The following SLC8A1 variants were observed in gnomAD, a reference collection of about 807,000 sequenced individuals.
SLC8A1 encodes sodium/calcium exchanger 1.
SLC8A1 carries 18 observed loss-of-function variants against 68.3 expected under a neutral mutation model. The ratio of observed to expected loss-of-function variants is 0.26; its 90% CI spans 0.18 to 0.39. SLC8A1 has a LOEUF of 0.39. SLC8A1 is among the 10% of genes least tolerant of loss of function. SLC8A1 has a pLI of 1.00. For synonymous variants in SLC8A1, 475 were observed against 415.5 expected, an observed-to-expected ratio of 1.14 and a Z score of -1.74; for missense variants, 985 against 1,156.7, an observed-to-expected ratio of 0.85 and a Z score of 2.15.
intron 2 of SLC8A1, among the ~76,000 whole-genome samples, chr2:40,419,973 A>G (rs2149739721): frequency 6.6e-6 from 1 of 152,312 alleles, no homozygotes; most frequent in South Asian, 2.1e-4. Flanking sequence ...TCGAAAACAA[A>G]TTTGTTATAG....
intron 1 of SLC8A1, among the ~76,000 whole-genome samples, chr2:40,457,830 A>G (rs1327611889): frequency 6.6e-6 from 1 of 152,194 alleles, no homozygotes; most frequent in African/African-American, 2.4e-5. Flanking sequence ...GCCACCTCCA[A>G]TTTAATTTTT....
chr2:40,475,097 T>C (rs1351947923), intron 1 of SLC8A1, among the ~76,000 whole-genome samples: 3 of 152,170 alleles, frequency 2.0e-5, no homozygotes, highest in Non-Finnish European at 2.9e-5. Context: ...TTCTCAAAAC[T>C]TGTGAACTTC....
intron 2 of SLC8A1, among the ~76,000 whole-genome samples, chr2:40,280,097 C>G (rs1394167390): frequency 6.6e-6 from 1 of 151,906 alleles, no homozygotes; most frequent in Non-Finnish European, 1.5e-5. Context: ...TAAACCCTAG[C>G]CTTTTAGATA....
chr2:40,208,234 C>T (rs2055870046), intron 2 of SLC8A1: 1 of 152,128 alleles, frequency 6.6e-6, no homozygotes, highest in African/African-American at 2.4e-5. Flanking sequence ...CTCTCTGGGC[C>T]TCTTGCTTTC....
At chr2:40,166,021 C>T (rs899033004) in intron 4 of SLC8A1, among the ~76,000 whole-genome samples, 4 of 152,192 alleles carry the variant, frequency 2.6e-5, no homozygotes, top group African/African-American at 9.7e-5. Context: ...GCCCTGATGG[C>T]CTCATTTCTA....
intron 1 of SLC8A1, among the ~76,000 whole-genome samples, chr2:40,450,550 C>T (rs1266152253): frequency 1.3e-5 from 2 of 152,170 alleles, no homozygotes; most frequent in Non-Finnish European, 2.9e-5. Context: ...AAATCTCCAC[C>T]TACTCAGCTA....
chr2:40,358,077 C>G (rs6544329), intron 2 of SLC8A1, among the ~76,000 whole-genome samples: 9 of 142,134 alleles, frequency 6.3e-5, no homozygotes, highest in Non-Finnish European at 9.0e-5. Flanking sequence ...AAAAAGGTGG[C>G]GGTGCTGGTG....
intron 6 of SLC8A1, among the ~76,000 whole-genome samples, chr2:40,150,950 G>C (rs1454542867): frequency 6.6e-6 from 1 of 152,052 alleles, no homozygotes; most frequent in African/African-American, 2.4e-5. Context: ...TCACCTACTA[G>C]TATGTCCCTA....
chr2:40,410,118 AT>A (rs1488497505), intron 2 of SLC8A1, among the ~76,000 whole-genome samples: 1 of 152,146 alleles, frequency 6.6e-6, no homozygotes, highest in African/African-American at 2.4e-5. Context: ...TTAATAAATC[AT>A]GGGGCAAGGG....
intron 2 of SLC8A1, among the ~76,000 whole-genome samples, chr2:40,317,638 GCTTTT>G (rs1206644836): frequency 3.3e-5 from 5 of 151,884 alleles, no homozygotes; most frequent in Non-Finnish European, 5.9e-5. Context: ...ACTGCATTGT[GCTTTT>G]TTTTAAAGAT....
chr2:40,314,742 T>A (rs2074214048), intron 2 of SLC8A1, among the ~76,000 whole-genome samples: 1 of 152,022 alleles, frequency 6.6e-6, no homozygotes, highest in Admixed American at 6.6e-5. Context: ...TATCCCCAAG[T>A]ATTTTATATT....
intron 2 of SLC8A1, among the ~76,000 whole-genome samples, chr2:40,363,070 A>G (rs1001300562): frequency 2.6e-5 from 4 of 152,124 alleles, no homozygotes; most frequent in Admixed American, 2.0e-4. Context: ...GCTTTCATTC[A>G]GGACTACAGC....
At chr2:40,490,644 TAGG>T (rs1278011709) in intron 1 of SLC8A1, among the ~76,000 whole-genome samples, 2 of 152,040 alleles carry the variant, frequency 1.3e-5, no homozygotes, top group Non-Finnish European at 2.9e-5. Flanking sequence ...TGGGGATGGG[TAGG>T]AGTAGTGGAT....
At chr2:40,499,337 T>A (rs758856583) in intron 1 of SLC8A1, among the ~76,000 whole-genome samples, 4 of 152,010 alleles carry the variant, frequency 2.6e-5, no homozygotes, top group Non-Finnish European at 5.9e-5. Flanking sequence ...ATTTTCCTCA[T>A]CTAAAAATGA....
At chr2:40,342,240 C>A (rs2149411902) in intron 2 of SLC8A1, among the ~76,000 whole-genome samples, 1 of 152,248 alleles carries the variant, frequency 6.6e-6, no homozygotes, top group Middle Eastern at 3.4e-3. Flanking sequence ...CAATCTTATT[C>A]TAAGATTTAT....
At chr2:40,274,860 G>A (rs2066500041) in intron 2 of SLC8A1, among the ~76,000 whole-genome samples, 1 of 152,126 alleles carries the variant, frequency 6.6e-6, no homozygotes, top group African/African-American at 2.4e-5. Flanking sequence ...AAATGGATAA[G>A]GATTGAAGCT....
At chr2:40,297,711 A>G (rs1185201032) in intron 2 of SLC8A1, among the ~76,000 whole-genome samples, 12 of 152,140 alleles carry the variant, frequency 7.9e-5, no homozygotes, top group Admixed American at 7.9e-4. Context: ...AGAAATCCTA[A>G]AATGCCTTAT....
exon 7 of SLC8A1, chr2:40,139,657 A>G: frequency 3.7e-6 from 6 of 1,613,898 alleles, no homozygotes; most frequent in Non-Finnish European, 5.1e-6. Context: ...CCCCACATTC[A>G]TCGTCGTCAT....
At chr2:40,216,471 A>C (rs1379800723) in intron 2 of SLC8A1, among the ~76,000 whole-genome samples, 1 of 152,176 alleles carries the variant, frequency 6.6e-6, no homozygotes, top group African/African-American at 2.4e-5. Context: ...ATACATGTGC[A>C]TGTGTCTTTA....
Sources: gnomAD v4.1 joint callset for allele counts (sites outside exome capture counted in the v4.1 genomes callset) on GRCh38, gnomAD v4.1.1 for gene constraint, MANE v1.5 for transcripts, NCBI Gene and HGNC (gene_info 2026-07-23, HGNC 2026-07-21) for gene names.